Variants in SH3RF1 observed in about 807,000 individuals in gnomAD.
SH3RF1 encodes SH3 domain containing ring finger 1, also known as E3 ubiquitin-protein ligase SH3RF1.
SH3RF1 carries 32 observed loss-of-function variants against 74.0 expected under a neutral mutation model. The observed-to-expected ratio is 0.43, with a 90% confidence interval of 0.33 to 0.58. The LOEUF (loss-of-function observed/expected upper bound fraction) is 0.58. SH3RF1 is among the 20% of genes least tolerant of loss of function. SH3RF1 has a pLI of 0.05. For synonymous variants in SH3RF1, 396 were observed against 439.6 expected (o/e 0.90, Z 1.24); for missense variants, 954 against 1,130.9 (o/e 0.84, Z 2.24).
At chr4:169,268,099 T>C (rs1290366408) in intron 2 of SH3RF1, among the ~76,000 whole-genome samples, 1 of 152,074 alleles carries the variant, frequency 6.6e-6, no homozygotes, top group African/African-American at 2.4e-5. Context: ...TACAGAAATT[T>C]TGTGTGACAG....
chr4:169,198,425 G>A (rs1448783744), intron 2 of SH3RF1, among the ~76,000 whole-genome samples: 6 of 151,022 alleles, frequency 4.0e-5, no homozygotes, highest in Non-Finnish European at 8.9e-5. Flanking sequence ...CAATATAAAT[G>A]TATACTTTAA....
chr4:169,124,753 A>C (rs145291489), intron 6 of SH3RF1, among the ~76,000 whole-genome samples: 57 of 152,350 alleles, frequency 3.7e-4, no homozygotes, highest in African/African-American at 1.3e-3. Flanking sequence ...CAGACTAGGA[A>C]ATTTTGTGGG....
intron 4 of SH3RF1, among the ~76,000 whole-genome samples, chr4:169,151,152 T>C (rs181287725): frequency 6.6e-6 from 1 of 152,312 alleles, no homozygotes; most frequent in East Asian, 1.9e-4. Flanking sequence ...CCAATATTTA[T>C]TGAAAGCGTA....
chr4:169,176,900 T>C (rs1734429871), intron 2 of SH3RF1, among the ~76,000 whole-genome samples: 1 of 152,072 alleles, frequency 6.6e-6, no homozygotes, highest in African/African-American at 2.4e-5. Flanking sequence ...GGATTAAAGG[T>C]GCATGTTACC....
intron 10 of SH3RF1, among the ~76,000 whole-genome samples, chr4:169,109,335 C>A (rs1733202484): frequency 6.6e-6 from 1 of 152,238 alleles, no homozygotes; most frequent in South Asian, 2.1e-4. Context: ...ACTCAGGGAA[C>A]AGCCTCTAAA....
chr4:169,162,957 C>T (rs920329843), intron 2 of SH3RF1, among the ~76,000 whole-genome samples: 1 of 152,166 alleles, frequency 6.6e-6, no homozygotes, highest in Non-Finnish European at 1.5e-5. Context: ...CCTCTCCTTA[C>T]CCAGCTCCTG....
chr4:169,182,623 T>C (rs1440191215), intron 2 of SH3RF1, among the ~76,000 whole-genome samples: 2 of 152,196 alleles, frequency 1.3e-5, no homozygotes, highest in Non-Finnish European at 2.9e-5. Flanking sequence ...TAATATGACT[T>C]ATAAAAGGCT....
chr4:169,257,591 G>A (rs920083505), intron 2 of SH3RF1, among the ~76,000 whole-genome samples: 5 of 152,174 alleles, frequency 3.3e-5, no homozygotes, highest in African/African-American at 1.2e-4. Context: ...TAAATGCCCT[G>A]TCCATCAAAG....
chr4:169,096,786 T>C, intron 11 of SH3RF1, 99 bp from the exon 12 acceptor site: 1 of 1,094,196 alleles, frequency 9.1e-7, no homozygotes, highest in Non-Finnish European at 1.3e-6. Context: ...AAATAGGAAA[T>C]AACATTAATT....
At chr4:169,158,660 C>T (rs1388264227) in intron 2 of SH3RF1, among the ~76,000 whole-genome samples, 1 of 152,146 alleles carries the variant, frequency 6.6e-6, no homozygotes, top group East Asian at 1.9e-4. Context: ...CAGGCCTCAA[C>T]TAGTTGAATA....
At chr4:169,211,316 A>G (rs1489677366) in intron 2 of SH3RF1, among the ~76,000 whole-genome samples, 1 of 152,000 alleles carries the variant, frequency 6.6e-6, no homozygotes, top group Admixed American at 6.6e-5. Context: ...CCCTGTCTCT[A>G]CTAAAAATAT....
intron 2 of SH3RF1, among the ~76,000 whole-genome samples, chr4:169,255,360 T>A (rs1033823666): frequency 1.9e-4 from 29 of 152,140 alleles, no homozygotes; most frequent in Admixed American, 6.5e-5. Flanking sequence ...AGTACATAAA[T>A]GCATTTGTTT....
At chr4:169,246,016 CAT>C (rs928708139) in intron 2 of SH3RF1, among the ~76,000 whole-genome samples, 3 of 152,176 alleles carry the variant, frequency 2.0e-5, no homozygotes, top group African/African-American at 7.2e-5. Context: ...CCAGGGGTGT[CAT>C]ATCCACTTTA....
intron 10 of SH3RF1, among the ~76,000 whole-genome samples, chr4:169,107,912 T>C (rs1363088271): frequency 1.3e-5 from 2 of 152,236 alleles, no homozygotes; most frequent in Non-Finnish European, 2.9e-5. Flanking sequence ...TATAAACAAG[T>C]TGATTTCTCT....
Position 169,117,570 on chromosome 4 carries a change from A to G in SH3RF1, c.1730T>C (p.Met577Thr). 6.2e-7 allele frequency: 1 copy of G among 1,614,188 alleles called. No homozygotes were observed. Among genetic ancestry groups the G allele is most frequent in the Non-Finnish European group, 8.5e-7 (1 of 1,180,036 alleles). Residue 577 changes from methionine to threonine, a missense_variant, in exon 9 of 12, where the codon ATG becomes ACG. Around this residue, in one of 3 missense-constraint regions of SH3RF1, gnomAD observed 854 missense variants for 962.5 expected, o/e 0.89. Coordinates refer to ENST00000284637, the MANE Select transcript of SH3RF1 (RefSeq NM_020870.4). The stretch of plus-strand genomic sequence containing the variant: ...CTGGTTGACTGTCATTTGCCCCGTC[A>G]TGTGCAACAAGACCTTAGCCTGAGG... Reference protein sequence around the residue: ...TSPQAKVLLHMTGQMTVNQAR... With the variant: ...TSPQAKVLLHTTGQMTVNQAR...
chr4:169,142,285 G>C (rs531646114), intron 4 of SH3RF1, among the ~76,000 whole-genome samples: 1 of 152,190 alleles, frequency 6.6e-6, no homozygotes, highest in South Asian at 2.1e-4. Context: ...TATGTAAAGT[G>C]CTCTTTAACT....
In SH3RF1 at chr4:169,116,290, G is replaced by T; in HGVS notation, c.2118C>A (p.Thr706=). The part of the protein sequence containing the change: ...ASSACGNSSA[T]KPDKDSKKEK... The stretch of plus-strand genomic sequence containing the variant: ...TTACTTTGCTATCCTTGTCTGGTTT[G>T]GTTGCTGAACTGTTCCCACAAGCTG... The change falls in exon 10 of 12, where the codon ACC becomes ACA. Residue 706 remains threonine (T), a synonymous_variant. Transcript: ENST00000284637. 2 of 1,610,686 alleles carry T rather than the reference G, an allele frequency of 1.2e-6. No homozygotes were observed. The highest frequency in any genetic ancestry group is 1.1e-5 in the South Asian group (1 of 90,482).
intron 2 of SH3RF1, among the ~76,000 whole-genome samples, chr4:169,251,479 T>C (rs1731104898): frequency 6.6e-6 from 1 of 152,188 alleles, no homozygotes; most frequent in African/African-American, 2.4e-5. Flanking sequence ...CATGTAAGAC[T>C]GAATAGTTCT....
chr4:169,221,715 A>C (rs1395058454), intron 2 of SH3RF1, among the ~76,000 whole-genome samples: 1 of 152,208 alleles, frequency 6.6e-6, no homozygotes, highest in East Asian at 1.9e-4. Context: ...TTAACTGCTA[A>C]ATCCTAGATG....
Sources: gnomAD v4.1 joint callset for allele counts (sites outside exome capture counted in the v4.1 genomes callset) on GRCh38, gnomAD v4.1.1 for gene constraint, gnomAD v4.1.1 regional missense constraint, MANE v1.5 for transcripts, NCBI Gene and HGNC (gene_info 2026-07-23, HGNC 2026-07-21) for gene names.